Variants in NFIA observed in about 807,000 individuals in gnomAD.
NFIA encodes nuclear factor I A.
A neutral mutation model predicts 62.8 loss-of-function variants in NFIA; 8 were observed. The ratio of observed to expected loss-of-function variants is 0.13; its 90% CI spans 0.07 to 0.23. The LOEUF (loss-of-function observed/expected upper bound fraction) is 0.23. NFIA is among the 10% of genes least tolerant of loss of function. The probability of loss-of-function intolerance (pLI) is 1.00; values close to 1 mark genes in which losing one functional copy is unlikely to be tolerated. For synonymous variants in NFIA, 235 were observed against 238.1 expected, an observed-to-expected ratio of 0.99 and a Z score of 0.12; for missense variants, 410 against 642.1, an observed-to-expected ratio of 0.64 and a Z score of 3.91.
At chr1:61,400,505 G>A (rs899162368) in intron 7 of NFIA, among the ~76,000 whole-genome samples, 2 of 152,144 alleles carry the variant, frequency 1.3e-5, no homozygotes, top group African/African-American at 4.8e-5. Flanking sequence ...CATCAATGTG[G>A]ATACAGATGG....
rs199937158 is a variant in NFIA at position 61,277,501 on chromosome 1, G to A, written c.560-19G>A. On this transcript the variant is annotated intron_variant, in intron 2 of 10. Transcript: ENST00000403491. ...CTTGCAGACCCTGTAATTTTTGGCT[G>A]TATTTTTATGTTTTTCAGATTCAAG... The A allele has an allele frequency of 1.1e-4, 184 of 1,613,056 alleles. No homozygotes were observed. The highest frequency in any genetic ancestry group is 1.7e-4 in the Admixed American group (10 of 59,948).
intron 2 of NFIA, among the ~76,000 whole-genome samples, chr1:61,122,753 A>G (rs1006226208): frequency 6.6e-6 from 1 of 151,960 alleles, no homozygotes; most frequent in Non-Finnish European, 1.5e-5. Context: ...TGAGCTGCTC[A>G]TTTCTTTTCT....
At chr1:61,204,590 GC>G (rs1255900544) in intron 2 of NFIA, among the ~76,000 whole-genome samples, 1 of 152,080 alleles carries the variant, frequency 6.6e-6, no homozygotes, top group Non-Finnish European at 1.5e-5. Context: ...AGACAAAGCA[GC>G]AAAAATGCAC....
chr1:61,292,141 CT>C (rs1553169252), intron 3 of NFIA, among the ~76,000 whole-genome samples: 2 of 152,096 alleles, frequency 1.3e-5, no homozygotes, highest in Non-Finnish European at 2.9e-5. Flanking sequence ...TAGAAATAAA[CT>C]TATCGTTTTT....
chr1:61,355,947 A>G, intron 5 of NFIA, among the ~76,000 whole-genome samples: 1 of 152,202 alleles, frequency 6.6e-6, no homozygotes, highest in East Asian at 1.9e-4. Context: ...CGATAGCTAT[A>G]GAATCTTTCA....
At chr1:61,234,490 G>A (rs1286803004) in intron 2 of NFIA, among the ~76,000 whole-genome samples, 3 of 151,504 alleles carry the variant, frequency 2.0e-5, no homozygotes, top group Admixed American at 2.0e-4. Flanking sequence ...TGTTCCGATT[G>A]CCAACTCTTC....
intron 2 of NFIA, among the ~76,000 whole-genome samples, chr1:61,134,104 G>C (rs1647132158): frequency 6.6e-6 from 1 of 152,068 alleles, no homozygotes; most frequent in Non-Finnish European, 1.5e-5. Context: ...GCAAGACTCT[G>C]TCTCAAAAAC....
intron 2 of NFIA, among the ~76,000 whole-genome samples, chr1:61,126,624 TATGC>T (rs1646975986): frequency 6.6e-6 from 1 of 152,098 alleles, no homozygotes; most frequent in Non-Finnish European, 1.5e-5. Context: ...CAATTGTTAG[TATGC>T]CATCAGTCAA....
intron 2 of NFIA, among the ~76,000 whole-genome samples, chr1:61,174,042 A>T (rs1650157911): frequency 6.6e-6 from 1 of 152,186 alleles, no homozygotes; most frequent in South Asian, 2.1e-4. Flanking sequence ...GGAGACAAGG[A>T]TGGCTTTTGG....
rs1308325040 is a variant in NFIA, at chr1:61,333,521, AT to A, written c.700+936del. Among the ~76,000 whole-genome samples the A allele has an allele frequency of 2.6e-5, 4 of 152,310 alleles. No homozygotes were observed. The East Asian group carries it at 7.7e-4, about 29-fold the overall frequency. Reference sequence around the variant, plus strand: ...GAGAGTCTTGAGAGCACAGAATGTGATACACAGTGTGGGAACAGGGGAGAAT... The same window carrying A: ...GAGAGTCTTGAGAGCACAGAATGTGAACACAGTGTGGGAACAGGGGAGAAT... On this transcript the variant is annotated intron_variant, in intron 4 of 10. Coordinates refer to ENST00000403491, the MANE Select transcript of NFIA (RefSeq NM_001134673.4).
chr1:61,237,081 C>G (rs1046798848), intron 2 of NFIA, among the ~76,000 whole-genome samples: 13 of 152,148 alleles, frequency 8.5e-5, no homozygotes, highest in African/African-American at 3.1e-4. Flanking sequence ...GCACCTTGAT[C>G]ACTGCATGGC....
At chr1:61,126,011 T>G (rs1646960414) in intron 2 of NFIA, among the ~76,000 whole-genome samples, 1 of 152,184 alleles carries the variant, frequency 6.6e-6, no homozygotes, top group Non-Finnish European at 1.5e-5. Flanking sequence ...GTAGGTACTT[T>G]ATCGCCATCT....
intron 2 of NFIA, among the ~76,000 whole-genome samples, chr1:61,115,277 A>C (rs1257363262): frequency 2.0e-5 from 3 of 152,188 alleles, no homozygotes; most frequent in Non-Finnish European, 4.4e-5. Flanking sequence ...TACTGCACCC[A>C]GCCGCAAATA....
intron 2 of NFIA, among the ~76,000 whole-genome samples, chr1:61,164,932 T>A (rs972097774): frequency 1.3e-5 from 2 of 152,066 alleles, no homozygotes; most frequent in African/African-American, 4.8e-5. Context: ...AATCTTCAGA[T>A]TGGGGATTAT....
chr1:61,201,878 A>AT (rs1652524850), intron 2 of NFIA, among the ~76,000 whole-genome samples: 1 of 152,208 alleles, frequency 6.6e-6, no homozygotes, highest in South Asian at 2.1e-4. Flanking sequence ...GGCTAAGAGT[A>AT]TTTAATAAAG....
At chr1:61,127,355 G>C (rs1270098947) in intron 2 of NFIA, among the ~76,000 whole-genome samples, 1 of 151,542 alleles carries the variant, frequency 6.6e-6, no homozygotes, top group Non-Finnish European at 1.5e-5. Context: ...TACTTGGAAG[G>C]CTGAGGCAGG....
At chr1:61,125,443 A>G (rs1038001478) in intron 2 of NFIA, among the ~76,000 whole-genome samples, 1 of 152,212 alleles carries the variant, frequency 6.6e-6, no homozygotes, top group Non-Finnish European at 1.5e-5. Context: ...AAATATGCTG[A>G]TAAAAGAATT....
intron 9 of NFIA, among the ~76,000 whole-genome samples, chr1:61,416,443 A>G (rs1666351238): frequency 6.6e-6 from 1 of 152,136 alleles, no homozygotes. Context: ...TTTCTAGTAA[A>G]AAATAATACT....
chr1:61,422,031 G>A (rs1666644101), intron 9 of NFIA, among the ~76,000 whole-genome samples: 1 of 152,210 alleles, frequency 6.6e-6, no homozygotes, highest in Non-Finnish European at 1.5e-5. Context: ...GGAGGCCAAA[G>A]TGGGAGGATC....
Sources: allele counts gnomAD v4.1 joint callset (sites outside exome capture counted in the v4.1 genomes callset), GRCh38; gene constraint gnomAD v4.1.1; transcripts MANE v1.5; gene names NCBI Gene and HGNC (gene_info 2026-07-23, HGNC 2026-07-21).